The following UGGT2 variants were observed in gnomAD, a reference collection of about 807,000 sequenced individuals.
UGGT2 encodes the protein UDP-glucose glycoprotein glucosyltransferase 2.
UGGT2 carries 180 observed loss-of-function variants against 192.1 expected under a neutral mutation model. The ratio of observed to expected loss-of-function variants is 0.94; its 90% confidence interval spans 0.83 to 1.06. The LOEUF is 1.06. Ranked by LOEUF, UGGT2 falls within the 50% of genes least tolerant of loss-of-function variation. The pLI, the probability that UGGT2 is intolerant of heterozygous loss-of-function variation, is 0.00. For synonymous variants in UGGT2, 580 were observed against 591.0 expected (o/e 0.98, Z 0.27); for missense variants, 1,849 against 1,795.7 (o/e 1.03, Z -0.54).
At chr13:96,016,706 C>G (rs1017068164) in intron 4 of UGGT2, among the ~76,000 whole-genome samples, 4 of 152,240 alleles carry the variant, frequency 2.6e-5, no homozygotes, top group Non-Finnish European at 5.9e-5. Flanking sequence ...TCTACTAGGG[C>G]AGTGCATAGA....
At chr13:95,970,074 C>G (rs1262667041) in intron 12 of UGGT2, 38 bp downstream of exon 12, 2 of 1,571,786 alleles carry the variant, frequency 1.3e-6, no homozygotes, top group Non-Finnish European at 1.7e-6. Flanking sequence ...CTTAAGTATA[C>G]TACAGGTTTT....
At chr13:95,989,710 A>C in intron 8 of UGGT2, 1 of 267,992 alleles carries the variant, frequency 3.7e-6, no homozygotes, top group Non-Finnish European at 7.3e-6. Context: ...ACTTGAGACT[A>C]ACCTATAAAT....
chr13:96,043,961 CAG>C (rs1250974988), intron 1 of UGGT2, among the ~76,000 whole-genome samples: 1 of 152,080 alleles, frequency 6.6e-6, no homozygotes, highest in African/African-American at 2.4e-5. Flanking sequence ...GTCATCAAGA[CAG>C]AAAGTCAACA....
intron 12 of UGGT2, among the ~76,000 whole-genome samples, chr13:95,952,342 G>A (rs2050091704): frequency 6.6e-6 from 1 of 152,034 alleles, no homozygotes; most frequent in Non-Finnish European, 1.5e-5. Flanking sequence ...CCACCCCCTA[G>A]TATCTGTAGG....
chr13:95,881,891 A>T (rs888221008), intron 27 of UGGT2, among the ~76,000 whole-genome samples: 1 of 151,394 alleles, frequency 6.6e-6, no homozygotes, highest in Non-Finnish European at 1.5e-5. Context: ...ACTCCAGGTA[A>T]AAGTAACTGT....
chr13:95,853,730 G>T, intron 35 of UGGT2, 73 bp from the exon 36 acceptor site: 2 of 980,984 alleles, frequency 2.0e-6, no homozygotes, highest in Non-Finnish European at 3.0e-6. Context: ...TCCAGTGAGT[G>T]TCTACAGTGA....
At chr13:96,047,199 C>G (rs1443235310) in intron 1 of UGGT2, among the ~76,000 whole-genome samples, 2 of 152,204 alleles carry the variant, frequency 1.3e-5, no homozygotes, top group African/African-American at 4.8e-5. Flanking sequence ...CCCCAAGTAG[C>G]CTAATGGGGA....
chr13:95,837,657 G>C (rs1887448966), intron 36 of UGGT2, among the ~76,000 whole-genome samples: 1 of 152,192 alleles, frequency 6.6e-6, no homozygotes, highest in South Asian at 2.1e-4. Flanking sequence ...AGCTCTCTAA[G>C]TAAAGATTGC....
chr13:95,882,729 C>T (rs1432791622), intron 27 of UGGT2, among the ~76,000 whole-genome samples: 1 of 152,114 alleles, frequency 6.6e-6, no homozygotes, highest in Non-Finnish European at 1.5e-5. Context: ...ATTTGACACT[C>T]ACTACAAAAA....
chr13:95,907,840 C>G (rs2048341744), intron 20 of UGGT2, among the ~76,000 whole-genome samples: 1 of 152,186 alleles, frequency 6.6e-6, no homozygotes, highest in South Asian at 2.1e-4. Flanking sequence ...GGCCTCTTCT[C>G]CTCCAAAGGA....
In UGGT2 at chr13:95,878,005, A is replaced by G. The variant is rs995290325; in HGVS notation, c.3229-149T>C. On this transcript the variant is annotated intron_variant, in intron 27 of 38. Transcript: ENST00000376747. ...TATTTTACACATGAGTGAATTCATGAGTTGAACTGATTTCTTCAAGACAAA... is the reference window on the plus strand; with the variant it reads ...TATTTTACACATGAGTGAATTCATGGGTTGAACTGATTTCTTCAAGACAAA... 3.8e-6 allele frequency: 3 copies of G among 790,756 alleles called. No individual in the cohort carries two copies. In the Admixed American group the frequency reaches 9.4e-5, roughly 25 times the overall value. 49.0% of individuals were successfully genotyped at this position (790,756 alleles called of 1,614,324 possible). A position where few individuals can be genotyped will look rare whatever the true frequency, so the allele number is the denominator to read the frequency against.
intron 29 of UGGT2, among the ~76,000 whole-genome samples, chr13:95,875,627 C>T (rs554982559): frequency 6.6e-6 from 1 of 152,124 alleles, no homozygotes; most frequent in Non-Finnish European, 1.5e-5. Flanking sequence ...TGGAATGTTC[C>T]GTCTGTGGTA....
Position 96,013,480 on chromosome 13 carries a change from T to C in UGGT2, c.487A>G (p.Thr163Ala), listed in dbSNP as rs770211471. ...TCTCCTTTAAATAGATAAGGTCTAG[T>C]CCTAAGATAAAAGCAAAACACAAAG... ...KKLLKKAASRTRPYLFKGDHK... is the reference protein window; with the variant it reads ...KKLLKKAASRARPYLFKGDHK... The change falls in exon 5 of 39, where the codon ACT (threonine) becomes GCT (alanine). Residue 163 changes from threonine (T) to alanine (A), a missense_variant and splice_region_variant. Physicochemically the swap from Thr to Ala is moderately conservative, Grantham distance 58. Transcript: ENST00000376747. 5 of 1,514,696 alleles carry C rather than the reference T, an allele frequency of 3.3e-6. No individual in the cohort carries two copies. Among genetic ancestry groups the C allele is most frequent in the South Asian group, 2.7e-5 (2 of 73,820 alleles). The allele number at this position is 1,514,696 out of a possible 1,614,324, so 93.8% of individuals were successfully genotyped here.
intron 31 of UGGT2, among the ~76,000 whole-genome samples, chr13:95,862,305 T>C (rs1890235812): frequency 6.6e-6 from 1 of 152,196 alleles, no homozygotes. Context: ...TGAATCTATT[T>C]GGGCTAACAT....
chr13:95,815,993 C>T (rs1052871416), intron 38 of UGGT2, among the ~76,000 whole-genome samples: 9 of 152,152 alleles, frequency 5.9e-5, no homozygotes, highest in Admixed American at 2.6e-4. Flanking sequence ...CCTTCTCTCT[C>T]GTGGTCCTGT....
At chr13:95,994,905 T>C (rs1328757462) in intron 7 of UGGT2, among the ~76,000 whole-genome samples, 1 of 152,054 alleles carries the variant, frequency 6.6e-6, no homozygotes, top group Non-Finnish European at 1.5e-5. Context: ...ATGGGACAAA[T>C]AATTTATTCT....
At chr13:95,888,040 T>A in intron 25 of UGGT2, 69 bp from the exon 26 acceptor site, 1 of 1,082,738 alleles carries the variant, frequency 9.2e-7, no homozygotes, top group Non-Finnish European at 1.3e-6. Flanking sequence ...ATGTATTTAC[T>A]ATGTACCAGG....
chr13:96,018,636 A>G (rs1388313115), intron 4 of UGGT2, among the ~76,000 whole-genome samples: 1 of 152,168 alleles, frequency 6.6e-6, no homozygotes, highest in Admixed American at 6.5e-5. Context: ...ACTTTCCAAC[A>G]TGTAAATAAA....
chr13:95,852,657 A>C (rs1241838523), intron 36 of UGGT2, among the ~76,000 whole-genome samples: 1 of 152,226 alleles, frequency 6.6e-6, no homozygotes, highest in Non-Finnish European at 1.5e-5. Flanking sequence ...TGATAAAAAT[A>C]AGAAAAAAGA....
Sources: gnomAD v4.1 joint callset for allele counts (sites outside exome capture counted in the v4.1 genomes callset) on GRCh38, gnomAD v4.1.1 for gene constraint, MANE v1.5 for transcripts, NCBI Gene and HGNC (gene_info 2026-07-23, HGNC 2026-07-21) for gene names.